Variants in PCMT1 observed in about 807,000 individuals in gnomAD.
PCMT1 encodes protein-L-isoaspartate(D-aspartate) O-methyltransferase.
In PCMT1, 9 loss-of-function variants were observed where a neutral mutation model predicts 29.2. The ratio of observed to expected loss-of-function variants is 0.31; its 90% confidence interval spans 0.19 to 0.54. PCMT1 has a LOEUF of 0.54. Ranked by LOEUF, PCMT1 falls within the 20% of genes least tolerant of loss-of-function variation. The pLI is 0.95. For synonymous variants in PCMT1, 98 were observed against 97.5 expected (o/e 1.00, Z -0.03); for missense variants, 184 against 282.2 (o/e 0.65, Z 2.49).
chr6:149,781,214 T>C (rs1471420796), intron 3 of PCMT1, among the ~76,000 whole-genome samples: 1 of 117,358 alleles, frequency 8.5e-6, no homozygotes, highest in East Asian at 2.9e-4. Context: ...GTTTTTTTTT[T>C]TTAGATAATT....
At position 149,771,208 on chromosome 6, in the gene PCMT1, T is replaced by C; in HGVS notation, c.102T>C (p.Ala34=). 1 of 1,613,324 alleles carries C rather than the reference T, an allele frequency of 6.2e-7. No individual in the cohort carries two copies. Among genetic ancestry groups the C allele is most frequent in the Non-Finnish European group, 8.5e-7 (1 of 1,179,354 alleles). ...ATAAAGTATTTGAAGTGATGCTGGC[T>C]ACAGACCGCTCCCACTATGCAAAAT... The part of the protein sequence containing the change: ...KTDKVFEVML[A]TDRSHYAKCN... Residue 34 remains alanine, a synonymous_variant, in exon 2 of 8, where the codon GCT becomes GCC. Coordinates refer to ENST00000464889, the MANE Select transcript of PCMT1 (RefSeq NM_001360452.2).
At chr6:149,753,315 G>A (rs1335843004) in intron 1 of PCMT1, among the ~76,000 whole-genome samples, 2 of 151,788 alleles carry the variant, frequency 1.3e-5, no homozygotes, top group East Asian at 3.9e-4. Flanking sequence ...ACTAGAAGGG[G>A]AAGGAAATTA....
intron 1 of PCMT1, among the ~76,000 whole-genome samples, chr6:149,751,567 C>T (rs940990759): frequency 6.6e-6 from 1 of 150,432 alleles, no homozygotes; most frequent in African/African-American, 2.5e-5. Context: ...CTGCAACCTC[C>T]GCCTCCCAGG....
At chr6:149,790,516 CTTT>C (rs80356200) in intron 4 of PCMT1, among the ~76,000 whole-genome samples, 1 of 137,238 alleles carries the variant, frequency 7.3e-6, no homozygotes. Context: ...GTTTTCTTTT[CTTT>C]TTTTTTTTTT....
intron 1 of PCMT1, among the ~76,000 whole-genome samples, chr6:149,756,169 T>C (rs191872990): frequency 2.0e-5 from 3 of 152,294 alleles, no homozygotes; most frequent in Admixed American, 6.5e-5. Context: ...TGAGGAATGC[T>C]TTTCTTATAA....
intron 1 of PCMT1, chr6:149,765,755 T>G (rs1370326590): frequency 3.1e-6 from 1 of 322,660 alleles, no homozygotes. Flanking sequence ...TCACCTAAGG[T>G]CAGGAGTTTG....
At chr6:149,776,136 G>T (rs1305273776) in intron 3 of PCMT1, among the ~76,000 whole-genome samples, 2 of 152,154 alleles carry the variant, frequency 1.3e-5, no homozygotes, top group Admixed American at 6.5e-5. Context: ...TCCAGCCTGG[G>T]CAGCAAGAGT....
intron 3 of PCMT1, among the ~76,000 whole-genome samples, chr6:149,787,473 T>A (rs146160290): frequency 0.024 from 3,640 of 151,800 alleles, 129 homozygotes; most frequent in African/African-American, 0.082. Flanking sequence ...TTCAAGCGAT[T>A]CTCCTGCTTC....
chr6:149,758,192 T>TTC (rs1554251069), intron 1 of PCMT1, among the ~76,000 whole-genome samples: 9 of 101,736 alleles, frequency 8.8e-5, no homozygotes, highest in African/African-American at 3.4e-4. Context: ...CCAATTTTTT[T>TTC]TTTCTTTCTT....
At chr6:149,760,365 TTCTC>T (rs1786684612) in intron 1 of PCMT1, among the ~76,000 whole-genome samples, 1 of 152,118 alleles carries the variant, frequency 6.6e-6, no homozygotes, top group South Asian at 2.1e-4. Context: ...CAAAATAAGT[TTCTC>T]TCTCCCATAG....
chr6:149,771,401 C>A, intron 2 of PCMT1, 135 bp downstream of exon 2: 1 of 515,594 alleles, frequency 1.9e-6, no homozygotes, highest in Admixed American at 3.6e-5. Flanking sequence ...CAGCAAGTTT[C>A]ATAATCCCAA....
At chr6:149,766,278 A>G (rs948128877) in intron 1 of PCMT1, among the ~76,000 whole-genome samples, 13 of 152,178 alleles carry the variant, frequency 8.5e-5, no homozygotes, top group African/African-American at 2.9e-4. Flanking sequence ...TTCCTCAGAA[A>G]GGGCTTGTGT....
chr6:149,791,022 T>TG (rs1583045987), intron 4 of PCMT1, among the ~76,000 whole-genome samples: 1 of 151,664 alleles, frequency 6.6e-6, no homozygotes, highest in South Asian at 2.1e-4. Flanking sequence ...AGGCACAGTG[T>TG]GGGGGGTGGG....
At chr6:149,803,075 A>AC (rs1562425842) in intron 7 of PCMT1, among the ~76,000 whole-genome samples, 2 of 150,654 alleles carry the variant, frequency 1.3e-5, no homozygotes, top group East Asian at 1.9e-4. Context: ...AAAAAAAAAA[A>AC]AAAAAAACAA....
intron 1 of PCMT1, among the ~76,000 whole-genome samples, chr6:149,769,308 C>CTTTTTTTTTTTTTTTTTTTTTTTTTTTTT (rs372773939): frequency 1.4e-5 from 1 of 71,562 alleles, no homozygotes; most frequent in African/African-American, 8.6e-5. Flanking sequence ...GTGCAGGATT[C>CTTTTTTTTTTTTTTTTTTTTTTTTTTTTT]TTTTTTTTTT....
chr6:149,779,868 A>G (rs1341578553), intron 3 of PCMT1, among the ~76,000 whole-genome samples: 2 of 151,932 alleles, frequency 1.3e-5, no homozygotes, highest in Non-Finnish European at 2.9e-5. Flanking sequence ...AGTATCTAGC[A>G]TGGTTGGGAA....
chr6:149,772,618 G>A (rs1306219444), intron 2 of PCMT1: 1 of 455,500 alleles, frequency 2.2e-6, no homozygotes, highest in Non-Finnish European at 4.4e-6. Flanking sequence ...TACTAGATGA[G>A]CACGTTACCC....
intron 7 of PCMT1, chr6:149,810,256 C>T: frequency 5.7e-6 from 1 of 175,870 alleles, no homozygotes; most frequent in Middle Eastern, 2.5e-3. Context: ...TAACTATCAA[C>T]TCATTTGAAC....
chr6:149,808,157 T>A (rs1776063240), intron 7 of PCMT1, among the ~76,000 whole-genome samples: 2 of 152,194 alleles, frequency 1.3e-5, no homozygotes, highest in Non-Finnish European at 2.9e-5. Context: ...GTTAGTATCA[T>A]AGAGTTAATA....
Sources: gnomAD v4.1 joint callset for allele counts (sites outside exome capture counted in the v4.1 genomes callset) on GRCh38, gnomAD v4.1.1 for gene constraint, MANE v1.5 for transcripts, NCBI Gene and HGNC (gene_info 2026-07-23, HGNC 2026-07-21) for gene names.